GRIA2: variants seen among roughly 807,000 people sequenced by gnomAD.
GRIA2 encodes glutamate receptor 2.
A neutral mutation model predicts 97.3 loss-of-function variants in GRIA2; 14 were observed. The ratio of observed to expected loss-of-function variants is 0.14; its 90% CI spans 0.10 to 0.23. GRIA2 has a LOEUF of 0.23. Ranked by LOEUF, GRIA2 falls within the 10% of genes least tolerant of loss-of-function variation. The pLI, the probability that GRIA2 is intolerant of heterozygous loss-of-function variation, is 1.00. For missense variants in GRIA2, 558 were observed against 1,069.8 expected, an observed-to-expected ratio of 0.52 and a Z score of 6.67; for synonymous variants, 412 against 387.8, an observed-to-expected ratio of 1.06 and a Z score of -0.73.
In GRIA2 at chr4:157,229,348, A is replaced by G. The variant is rs142670220; in HGVS notation, c.229+7541A>G. 2.2e-3 allele frequency among the ~76,000 whole-genome samples: 337 copies of G among 152,290 alleles called. 3 individuals are homozygous for G. The highest frequency in any genetic ancestry group is 2.1e-3 in the Non-Finnish European group (140 of 68,022). On this transcript the variant is annotated intron_variant, in intron 2 of 15. Transcript: ENST00000264426. Reference sequence around the variant, plus strand: ...TTATATGTTTAATTTTTCACACATTATCATATTACTGGGAAAATCATCCAA... The same window carrying G: ...TTATATGTTTAATTTTTCACACATTGTCATATTACTGGGAAAATCATCCAA...
At chr4:157,289,714 T>C (rs1733009018) in intron 2 of GRIA2, among the ~76,000 whole-genome samples, 1 of 151,844 alleles carries the variant, frequency 6.6e-6, no homozygotes, top group African/African-American at 2.4e-5. Flanking sequence ...CTTATTTGGA[T>C]GCATATCATA....
intron 1 of GRIA2, 126 bp from the exon 2 acceptor site, chr4:157,221,540 TA>T: frequency 2.2e-6 from 2 of 927,562 alleles, no homozygotes; most frequent in Middle Eastern, 3.1e-4. Context: ...TCCGAGTCCG[TA>T]GGTGTGTTTA....
rs879069836 is a variant in GRIA2 at position 157,341,170 on chromosome 4, C to A, written c.1845-94C>A. On this transcript the variant is annotated intron_variant, in intron 11 of 15. Transcript: ENST00000264426. The stretch of plus-strand genomic sequence containing the variant: ...ATTGAAAAATATAAAATTAAATATT[C>A]CCCTATAAGTCAATATTTGCATAAT... The A allele has an allele frequency of 5.3e-5, 42 of 786,392 alleles. 1 individual carries two copies. Among genetic ancestry groups the A allele is most frequent in the South Asian group, 5.2e-4 (34 of 64,816 alleles). 48.7% of individuals were successfully genotyped at this position (786,392 alleles called of 1,614,324 possible).
chr4:157,304,509 T>C (rs6536230), intron 3 of GRIA2, among the ~76,000 whole-genome samples: 54,099 of 151,734 alleles, frequency 0.36, 10,125 homozygotes, highest in African/African-American at 0.48. Flanking sequence ...CCCAGGTGTT[T>C]TTAACCATTC....
At chr4:157,315,815 A>C (rs558875366) in intron 4 of GRIA2, among the ~76,000 whole-genome samples, 8 of 152,338 alleles carry the variant, frequency 5.3e-5, no homozygotes, top group African/African-American at 1.9e-4. Context: ...CTGGGATTAC[A>C]GGCGTGGACT....
At chr4:157,355,991 A>ATGTATATTAATATATATATT (rs1560781410) in intron 12 of GRIA2, among the ~76,000 whole-genome samples, 1 of 82,966 alleles carries the variant, frequency 1.2e-5, no homozygotes, top group Non-Finnish European at 2.3e-5. Flanking sequence ...TTATATATTT[A>ATGTATATTAATATATATATT]TATATATTTA....
intron 2 of GRIA2, among the ~76,000 whole-genome samples, chr4:157,250,088 C>T (rs7663390): frequency 3.3e-5 from 5 of 152,016 alleles, no homozygotes; most frequent in Admixed American, 2.0e-4. Flanking sequence ...CAATAATTGT[C>T]GCATTCTATA....
intron 2 of GRIA2, among the ~76,000 whole-genome samples, chr4:157,248,459 C>T (rs937291292): frequency 2.8e-5 from 4 of 142,984 alleles, no homozygotes; most frequent in Non-Finnish European, 4.6e-5. Context: ...CCCAACTACT[C>T]GGGAGGGTGA....
At chr4:157,229,220 C>A (rs1729891235) in intron 2 of GRIA2, among the ~76,000 whole-genome samples, 2 of 151,932 alleles carry the variant, frequency 1.3e-5, no homozygotes, top group Admixed American at 1.3e-4. Context: ...CTTATTTTTT[C>A]TTTTTAGGGC....
At chr4:157,224,128 A>G (rs1419122919) in intron 2 of GRIA2, among the ~76,000 whole-genome samples, 1 of 152,318 alleles carries the variant, frequency 6.6e-6, no homozygotes, top group East Asian at 1.9e-4. Context: ...AGAAGCTGGA[A>G]TAATCAAGTC....
chr4:157,221,910 G>A (rs933803219), intron 2 of GRIA2, 103 bp downstream of exon 2: 2 of 1,061,464 alleles, frequency 1.9e-6, no homozygotes, highest in Non-Finnish European at 2.9e-6. Flanking sequence ...GTTTCTGTGT[G>A]TCAGTGTGTG....
chr4:157,257,870 C>G (rs572952841), intron 2 of GRIA2, among the ~76,000 whole-genome samples: 5 of 152,198 alleles, frequency 3.3e-5, no homozygotes, highest in African/African-American at 1.2e-4. Context: ...GGCAGAAGAA[C>G]ATAAATTGTG....
rs1225602221 is a variant in GRIA2, at chr4:157,326,504, T to C, written c.882+4905T>C. On this transcript the variant is annotated intron_variant, in intron 6 of 15. Coordinates refer to ENST00000264426, the MANE Select transcript of GRIA2 (RefSeq NM_001083619.3). ...AATAGATACTTCCTGAATCAACAAATAAAGAAAAGCAAAGGTACTGTGGTA... is the reference window on the plus strand; with the variant it reads ...AATAGATACTTCCTGAATCAACAAACAAAGAAAAGCAAAGGTACTGTGGTA... 3.3e-5 allele frequency among the ~76,000 whole-genome samples: 5 copies of C among 151,990 alleles called. No homozygotes were observed. The East Asian group carries it at 9.6e-4, about 29-fold the overall frequency.
chr4:157,240,367 A>C, intron 2 of GRIA2, among the ~76,000 whole-genome samples: 1 of 152,116 alleles, frequency 6.6e-6, no homozygotes, highest in East Asian at 1.9e-4. Flanking sequence ...CAATTAATCT[A>C]GGTTTAAATT....
At chr4:157,303,243 AT>A (rs1438313905) in intron 2 of GRIA2, among the ~76,000 whole-genome samples, 1 of 151,950 alleles carries the variant, frequency 6.6e-6, no homozygotes, top group Non-Finnish European at 1.5e-5. Flanking sequence ...CTTATAGCTA[AT>A]TTTTTTTACC....
In GRIA2 at chr4:157,290,383, G is replaced by C. The variant is rs190470739; in HGVS notation, c.230-13169G>C. Among the ~76,000 whole-genome samples, 91 of 151,770 alleles carry C rather than the reference G, an allele frequency of 6.0e-4. No individual in the cohort carries two copies. The East Asian group carries it at 0.011, about 18-fold the overall frequency. ...CATGAGATGTGCTGAGTAAAAGAAA[G>C]GTATACTTACACATACACAAATATA... On this transcript the variant is annotated intron_variant, in intron 2 of 15. Coordinates refer to ENST00000264426, the MANE Select transcript of GRIA2 (RefSeq NM_001083619.3).
intron 2 of GRIA2, among the ~76,000 whole-genome samples, chr4:157,248,739 A>G (rs556694376): frequency 5.8e-4 from 82 of 141,380 alleles, no homozygotes; most frequent in Middle Eastern, 3.8e-3. Context: ...ACACGTATGT[A>G]TATATATATA....
chr4:157,354,628 G>A (rs539752252), intron 12 of GRIA2, among the ~76,000 whole-genome samples: 174 of 152,306 alleles, frequency 1.1e-3, no homozygotes, highest in Non-Finnish European at 2.0e-3. Flanking sequence ...TGTGATGGCA[G>A]ATGTTGTTAC....
intron 5 of GRIA2, among the ~76,000 whole-genome samples, chr4:157,318,613 G>A (rs573688906): frequency 2.0e-5 from 3 of 152,208 alleles, no homozygotes; most frequent in East Asian, 1.9e-4. Flanking sequence ...CCTCTTTTAA[G>A]CATCATCAGA....
Sources: allele counts gnomAD v4.1 joint callset (sites outside exome capture counted in the v4.1 genomes callset), GRCh38; gene constraint gnomAD v4.1.1; transcripts MANE v1.5; gene names NCBI Gene and HGNC (gene_info 2026-07-23, HGNC 2026-07-21).